AIG1: variants seen among roughly 807,000 people sequenced by gnomAD.
AIG1 encodes the protein androgen-induced gene 1 protein.
Under a neutral mutation model 31.4 loss-of-function variants are expected in AIG1, and 23 were observed. The ratio of observed to expected loss-of-function variants is 0.73; its 90% CI spans 0.53 to 1.04. AIG1 has a LOEUF of 1.04. Ranked by LOEUF, AIG1 falls within the 50% of genes least tolerant of loss-of-function variation. The probability of loss-of-function intolerance (pLI) is 0.00; values close to 1 mark genes in which losing one functional copy is unlikely to be tolerated. For missense variants in AIG1, 274 were observed against 295.0 expected, an observed-to-expected ratio of 0.93 and a Z score of 0.52; for synonymous variants, 100 against 110.5, an observed-to-expected ratio of 0.90 and a Z score of 0.60.
intron 2 of AIG1, among the ~76,000 whole-genome samples, chr6:143,163,210 T>TA (rs1786580828): frequency 6.6e-6 from 1 of 152,230 alleles, no homozygotes; most frequent in Non-Finnish European, 1.5e-5. Context: ...TGATCAGCCC[T>TA]AATTGGTTTG....
intron 1 of AIG1, among the ~76,000 whole-genome samples, chr6:143,073,532 C>G (rs1432150838): frequency 6.6e-6 from 1 of 152,168 alleles, no homozygotes; most frequent in Non-Finnish European, 1.5e-5. Context: ...ACACCTTTGC[C>G]AACATTTCTT....
intron 3 of AIG1, among the ~76,000 whole-genome samples, chr6:143,200,196 G>A (rs531667045): frequency 6.6e-6 from 1 of 152,272 alleles, no homozygotes; most frequent in African/African-American, 2.4e-5. Flanking sequence ...AGAAAGGTTA[G>A]CGTGGATAGT....
chr6:143,142,656 C>T (rs1454970221), intron 2 of AIG1, among the ~76,000 whole-genome samples: 5 of 152,076 alleles, frequency 3.3e-5, no homozygotes, highest in South Asian at 2.1e-4. Flanking sequence ...ATTAACTTTT[C>T]GGAAATTTGA....
chr6:143,114,966 A>G (rs1005755277), intron 1 of AIG1, among the ~76,000 whole-genome samples: 5 of 152,236 alleles, frequency 3.3e-5, no homozygotes, highest in Non-Finnish European at 7.3e-5. Context: ...TCAGCATCCA[A>G]GTAGGGTTTG....
intron 3 of AIG1, among the ~76,000 whole-genome samples, chr6:143,276,104 A>G (rs1267906590): frequency 6.6e-6 from 1 of 152,236 alleles, no homozygotes; most frequent in East Asian, 1.9e-4. Context: ...TACTGCCTCA[A>G]GTCATATTTA....
chr6:143,100,667 T>C (rs1434118150), intron 1 of AIG1, among the ~76,000 whole-genome samples: 3 of 151,928 alleles, frequency 2.0e-5, no homozygotes, highest in Admixed American at 6.6e-5. Flanking sequence ...GATAGTAATA[T>C]AGTCATACTT....
intron 4 of AIG1, among the ~76,000 whole-genome samples, chr6:143,317,954 A>G (rs1330129712): frequency 3.3e-5 from 5 of 152,056 alleles, no homozygotes; most frequent in Non-Finnish European, 5.9e-5. Flanking sequence ...GGTGAAAGAC[A>G]TCTACAAGGA....
chr6:143,226,493 CTTGG>C (rs1184205730), intron 3 of AIG1, among the ~76,000 whole-genome samples: 2 of 152,022 alleles, frequency 1.3e-5, no homozygotes, highest in African/African-American at 4.8e-5. Context: ...ATCCACCCGC[CTTGG>C]CCTCCCAAAG....
intron 1 of AIG1, among the ~76,000 whole-genome samples, chr6:143,126,829 A>G (rs193271113): frequency 3.3e-5 from 5 of 152,338 alleles, no homozygotes; most frequent in Admixed American, 2.6e-4. Context: ...TTTTATGTGT[A>G]TATAACTATG....
rs1209753348 is a variant in AIG1, at chr6:143,292,402, C to T, written c.515+8177C>T. Among the ~76,000 whole-genome samples, 1 of 152,160 alleles carries T rather than the reference C, an allele frequency of 6.6e-6. No homozygotes were observed. Among genetic ancestry groups the T allele is most frequent in the East Asian group, 1.9e-4 (1 of 5,200 alleles). On this transcript the variant is annotated intron_variant, in intron 4 of 5. Coordinates refer to ENST00000357847, the MANE Select transcript of AIG1 (RefSeq NM_016108.4). This position sits in a 1 kb window ranked among gnomAD's most constrained non-coding sequence, Gnocchi z 4.9. ...AGAGAGAGACATGACTGCCGAAGGACAGTTAGAGAGATGCAGTGGAGAAAG... is the reference window on the plus strand; with the variant it reads ...AGAGAGAGACATGACTGCCGAAGGATAGTTAGAGAGATGCAGTGGAGAAAG...
At chr6:143,296,548 A>G (rs1298972575) in intron 4 of AIG1, among the ~76,000 whole-genome samples, 1 of 152,134 alleles carries the variant, frequency 6.6e-6, no homozygotes, top group Non-Finnish European at 1.5e-5. Context: ...CCCACAGCTG[A>G]CAGTAACTGA....
chr6:143,343,449 C>A, downstream of AIG1: 1 of 371,278 alleles, frequency 2.7e-6, no homozygotes. Flanking sequence ...AGACATCGGC[C>A]CTAGAGTGAT....
chr6:143,158,026 A>C (rs1489647612), intron 2 of AIG1, among the ~76,000 whole-genome samples: 1 of 152,136 alleles, frequency 6.6e-6, no homozygotes, highest in Non-Finnish European at 1.5e-5. Context: ...TTGAATTTCC[A>C]TCTATTTTCC....
At chr6:143,266,171 A>G (rs1022780143) in intron 3 of AIG1, among the ~76,000 whole-genome samples, 6 of 152,100 alleles carry the variant, frequency 3.9e-5, no homozygotes, top group African/African-American at 1.4e-4. Context: ...AACATGGTGA[A>G]ACCCCATCTC....
chr6:143,331,244 A>C lies in AIG1; in HGVS notation c.516-2038A>C, dbSNP rs1277535513. 1.3e-5 allele frequency among the ~76,000 whole-genome samples: 2 copies of C among 152,034 alleles called. No homozygotes were observed. Among genetic ancestry groups the C allele is most frequent in the Non-Finnish European group, 2.9e-5 (2 of 68,014 alleles). On this transcript the variant is annotated intron_variant, in intron 4 of 5. Transcript: ENST00000357847. The surrounding 1 kb of genome is among the most constrained non-coding windows in gnomAD (Gnocchi z 4.1). ...TTAGCTATTTGCAAGTATACTATTT[A>C]ATGTCCTTAAATGTATTTACAACAT...
chr6:143,343,517 G>T, downstream of AIG1: 1 of 224,288 alleles, frequency 4.5e-6, no homozygotes, highest in Admixed American at 5.1e-5. Context: ...GTTTTCAGCT[G>T]TGTCCCCGGG....
At chr6:143,332,237 C>T (rs937396175) in intron 4 of AIG1, among the ~76,000 whole-genome samples, 6 of 152,222 alleles carry the variant, frequency 3.9e-5, no homozygotes, top group Non-Finnish European at 7.3e-5. Context: ...GACCTCAGAA[C>T]ACATAAGTAT....
chr6:143,243,465 C>T (rs1438819617), intron 3 of AIG1, among the ~76,000 whole-genome samples: 2 of 152,074 alleles, frequency 1.3e-5, no homozygotes, highest in East Asian at 1.9e-4. Context: ...TGCTTGGAAC[C>T]CTAGCCTTTT....
chr6:143,080,441 G>A (rs1778137513), intron 1 of AIG1, among the ~76,000 whole-genome samples: 1 of 152,142 alleles, frequency 6.6e-6, no homozygotes, highest in South Asian at 2.1e-4. Context: ...ACGGCCTGAA[G>A]TGCAGGGGCA....
Sources: allele counts gnomAD v4.1 joint callset (sites outside exome capture counted in the v4.1 genomes callset), GRCh38; gene constraint gnomAD v4.1.1; non-coding constraint Gnocchi (gnomAD v3.1); transcripts MANE v1.5; gene names NCBI Gene and HGNC (gene_info 2026-07-23, HGNC 2026-07-21).